Variants in PHLPP1 observed in about 807,000 individuals in gnomAD.
PHLPP1 encodes PH domain and leucine rich repeat protein phosphatase 1.
Under a neutral mutation model 117.2 loss-of-function variants are expected in PHLPP1, and 42 were observed. The ratio of observed to expected loss-of-function variants is 0.36; its 90% CI spans 0.28 to 0.46. The LOEUF (loss-of-function observed/expected upper bound fraction) is 0.46, where lower values mean the gene tolerates loss of function less well. Among genes scored for constraint, PHLPP1 ranks in the 20% least tolerant of loss-of-function variants. The probability of loss-of-function intolerance (pLI) is 1.00; values close to 1 mark genes in which losing one functional copy is unlikely to be tolerated. For missense variants in PHLPP1, 2,084 were observed against 2,241.9 expected (o/e 0.93, Z 1.42); for synonymous variants, 1,042 against 970.7 (o/e 1.07, Z -1.37).
Position 62,830,205 on chromosome 18 carries a change from C to T in PHLPP1, c.1747C>T (p.His583Tyr), listed in dbSNP as rs543260604. 1 of 1,563,660 alleles carries T rather than the reference C, an allele frequency of 6.4e-7. No individual in the cohort carries two copies. The highest frequency in any genetic ancestry group is 1.2e-5 in the South Asian group (1 of 85,154). Residue 583 changes from histidine (H) to tyrosine (Y), a missense_variant, in exon 2 of 17, where the codon CAT (histidine) becomes TAT (tyrosine). By Grantham distance (83) the His-to-Tyr change is moderately conservative. This residue lies in a region of PHLPP1 where 1,365 missense variants were observed against 1,605.9 expected (regional missense o/e 0.85). Coordinates refer to ENST00000262719, the MANE Select transcript of PHLPP1 (RefSeq NM_194449.4). ...SVKDSLTGKM[H>Y]VLPLIGGKVE... Reference sequence around the variant, plus strand: ...GAAAGACAGCTTGACCGGAAAGATGCATGTTCTGCCACTAATTGGTGGAAA... The same window carrying T: ...GAAAGACAGCTTGACCGGAAAGATGTATGTTCTGCCACTAATTGGTGGAAA...
At chr18:62,766,303 C>T (rs1410497108) in intron 1 of PHLPP1, among the ~76,000 whole-genome samples, 1 of 150,672 alleles carries the variant, frequency 6.6e-6, no homozygotes. Context: ...CTTCTGGTTT[C>T]GTGTTTGCAT....
At chr18:62,769,803 C>T (rs1375256249) in intron 1 of PHLPP1, among the ~76,000 whole-genome samples, 4 of 152,276 alleles carry the variant, frequency 2.6e-5, no homozygotes, top group South Asian at 2.1e-4. Flanking sequence ...AACTGTTATA[C>T]GTGAATCTAG....
At chr18:62,770,364 C>T (rs1912719553) in intron 1 of PHLPP1, among the ~76,000 whole-genome samples, 1 of 152,210 alleles carries the variant, frequency 6.6e-6, no homozygotes, top group African/African-American at 2.4e-5. Context: ...CCTGCCTTGG[C>T]CTCCCAAAGT....
chr18:62,812,315 C>T (rs958389048), intron 1 of PHLPP1, among the ~76,000 whole-genome samples: 3 of 152,112 alleles, frequency 2.0e-5, no homozygotes, highest in Non-Finnish European at 4.4e-5. Context: ...AACACCACAG[C>T]ACTCCTGATA....
At chr18:62,943,460 C>A (rs1034800022) in intron 11 of PHLPP1, among the ~76,000 whole-genome samples, 1 of 152,098 alleles carries the variant, frequency 6.6e-6, no homozygotes, top group East Asian at 1.9e-4. Flanking sequence ...CTTTTGGGGG[C>A]CTGTTTTCTG....
At chr18:62,828,741 G>A (rs719565) in intron 1 of PHLPP1, among the ~76,000 whole-genome samples, 32,027 of 151,982 alleles carry the variant, frequency 0.21, 4,988 homozygotes, top group African/African-American at 0.44. Flanking sequence ...ATTTATGTTG[G>A]TTTTTAATAT....
At chr18:62,917,905 A>G (rs1159564810) in intron 9 of PHLPP1, among the ~76,000 whole-genome samples, 1 of 151,722 alleles carries the variant, frequency 6.6e-6, no homozygotes, top group Admixed American at 6.6e-5. Context: ...CAAGTAAGGT[A>G]TATAAAGAGT....
chr18:62,780,029 G>A (rs1482571772), intron 1 of PHLPP1, among the ~76,000 whole-genome samples: 1 of 152,126 alleles, frequency 6.6e-6, no homozygotes, highest in Non-Finnish European at 1.5e-5. Context: ...GGTCTCAAAT[G>A]TTAGTCTTTT....
chr18:62,875,245 C>T (rs1048970522), intron 4 of PHLPP1, among the ~76,000 whole-genome samples: 5 of 152,118 alleles, frequency 3.3e-5, no homozygotes, highest in African/African-American at 9.7e-5. Context: ...TGAGGCACCA[C>T]GTCCGGCCTA....
intron 1 of PHLPP1, among the ~76,000 whole-genome samples, chr18:62,733,313 G>T (rs1911277765): frequency 6.6e-6 from 1 of 152,184 alleles, no homozygotes; most frequent in Non-Finnish European, 1.5e-5. Flanking sequence ...CTTGCCAAAG[G>T]CTCAGATCAT....
At chr18:62,857,955 A>G (rs1046209233) in intron 3 of PHLPP1, among the ~76,000 whole-genome samples, 1 of 152,200 alleles carries the variant, frequency 6.6e-6, no homozygotes, top group Admixed American at 6.5e-5. Flanking sequence ...GTTCCCATCC[A>G]CTTCCTATGA....
At chr18:62,802,713 AGAAT>A (rs1168754433) in intron 1 of PHLPP1, among the ~76,000 whole-genome samples, 1 of 152,188 alleles carries the variant, frequency 6.6e-6, no homozygotes, top group Non-Finnish European at 1.5e-5. Flanking sequence ...GAAAACACCG[AGAAT>A]GTATAAATGG....
chr18:62,971,574 C>T (rs1911049011), intron 14 of PHLPP1, among the ~76,000 whole-genome samples: 1 of 152,188 alleles, frequency 6.6e-6, no homozygotes, highest in Non-Finnish European at 1.5e-5. Flanking sequence ...GCTCCATCTC[C>T]TCAATGCACG....
chr18:62,796,141 A>C (rs904442122), intron 1 of PHLPP1, among the ~76,000 whole-genome samples: 1 of 152,244 alleles, frequency 6.6e-6, no homozygotes, highest in South Asian at 2.1e-4. Context: ...GAAATTTGTT[A>C]GTGATAATGG....
At chr18:62,935,726 G>A (rs577039075) in intron 10 of PHLPP1, among the ~76,000 whole-genome samples, 7 of 152,226 alleles carry the variant, frequency 4.6e-5, no homozygotes, top group South Asian at 2.1e-4. Flanking sequence ...GTTTTTGGCC[G>A]GGTGCCATGG....
At chr18:62,894,655 A>G (rs1916508264) in intron 4 of PHLPP1, among the ~76,000 whole-genome samples, 1 of 152,246 alleles carries the variant, frequency 6.6e-6, no homozygotes. Context: ...GGCTAACGCC[A>G]GCTCTGCCTG....
In PHLPP1 at chr18:62,920,599, G is replaced by A. The variant is rs117749475; in HGVS notation, c.2960+485G>A. On this transcript the variant is annotated intron_variant, in intron 10 of 16. Transcript: ENST00000262719. ...TTTTGAGACAGAGTCGCACTCTGTC[G>A]CCTACGCTGGAGTGCAGTGGTGTGA... 4.1e-3 allele frequency among the ~76,000 whole-genome samples: 630 copies of A among 152,242 alleles called. 5 individuals carry two copies. Among genetic ancestry groups the A allele is most frequent in the Non-Finnish European group, 5.3e-3 (359 of 68,010 alleles).
At chr18:62,879,692 G>A (rs1916130208) in intron 4 of PHLPP1, among the ~76,000 whole-genome samples, 1 of 152,184 alleles carries the variant, frequency 6.6e-6, no homozygotes, top group Non-Finnish European at 1.5e-5. Context: ...ACAGGCGTGA[G>A]CCACTGTGCC....
At position 62,816,377 on chromosome 18, in the gene PHLPP1, A is replaced by G. The variant is rs145028344; in HGVS notation, c.1577-13658A>G. Among the ~76,000 whole-genome samples the G allele has an allele frequency of 3.9e-4, 59 of 152,206 alleles. No individual in the cohort carries two copies. The East Asian group carries it at 0.011, about 28-fold the overall frequency. On this transcript the variant is annotated intron_variant, in intron 1 of 16. Coordinates refer to ENST00000262719, the MANE Select transcript of PHLPP1 (RefSeq NM_194449.4). ...TCAGGAGTTCAAGACCAGCCCAAGTAACACTGTGAAACCCTGTCTCTACTA... is the reference window on the plus strand; with the variant it reads ...TCAGGAGTTCAAGACCAGCCCAAGTGACACTGTGAAACCCTGTCTCTACTA...
Sources: allele counts gnomAD v4.1 joint callset (sites outside exome capture counted in the v4.1 genomes callset), GRCh38; gene constraint gnomAD v4.1.1; regional missense constraint gnomAD v4.1.1; transcripts MANE v1.5; gene names NCBI Gene and HGNC (gene_info 2026-07-23, HGNC 2026-07-21).